The following PARD3B variants were observed in gnomAD, a reference collection of about 807,000 sequenced individuals.
PARD3B encodes the protein partitioning defective 3 homolog B.
Under a neutral mutation model 130.2 loss-of-function variants are expected in PARD3B, and 103 were observed. That is an observed-to-expected ratio of 0.79 (90% CI 0.67 to 0.93). The LOEUF (loss-of-function observed/expected upper bound fraction) is 0.93, where lower values mean the gene tolerates loss of function less well. PARD3B is among the 40% of genes least tolerant of loss of function. The pLI, the probability that PARD3B is intolerant of heterozygous loss-of-function variation, is 0.00. For missense variants in PARD3B, 1,609 were observed against 1,499.2 expected (o/e 1.07, Z -1.21); for synonymous variants, 583 against 553.2 (o/e 1.05, Z -0.76).
In PARD3B at chr2:205,213,134, C is replaced by T. The variant is rs549788920; in HGVS notation, c.2140+19814C>T. 1.5e-3 allele frequency among the ~76,000 whole-genome samples: 229 copies of T among 152,192 alleles called. 1 individual carries two copies. The highest frequency in any genetic ancestry group is 4.5e-3 in the African/African-American group (188 of 41,538). On this transcript the variant is annotated intron_variant, in intron 15 of 22. Coordinates refer to ENST00000406610, the MANE Select transcript of PARD3B (RefSeq NM_001302769.2). The stretch of plus-strand genomic sequence containing the variant: ...TTCCCAGTCTTAACTCAAAAACAGA[C>T]GACCTATTCTCTCTCCACTCTTTTT...
chr2:205,053,676 C>T (rs957227095), intron 4 of PARD3B, among the ~76,000 whole-genome samples: 1 of 151,526 alleles, frequency 6.6e-6, no homozygotes, highest in Non-Finnish European at 1.5e-5. Context: ...TATAACTTAC[C>T]AAACATTCTG....
intron 2 of PARD3B, among the ~76,000 whole-genome samples, chr2:204,690,411 A>G (rs1229303613): frequency 4.6e-5 from 7 of 152,082 alleles, no homozygotes; most frequent in African/African-American, 1.7e-4. Flanking sequence ...TAAAATGGAG[A>G]GATTATTCTG....
intron 22 of PARD3B, among the ~76,000 whole-genome samples, chr2:205,614,034 G>T (rs1450591724): frequency 2.0e-5 from 3 of 152,118 alleles, no homozygotes; most frequent in Admixed American, 6.5e-5. Context: ...ATTATAAAAG[G>T]GGGAGTGGCA....
chr2:204,672,061 T>G (rs2036328830), intron 1 of PARD3B, among the ~76,000 whole-genome samples: 1 of 152,200 alleles, frequency 6.6e-6, no homozygotes, highest in Admixed American at 6.6e-5. Flanking sequence ...GGGGCTTCCC[T>G]CCCACTGTAT....
chr2:205,552,115 C>G (rs1021788336), intron 21 of PARD3B, among the ~76,000 whole-genome samples: 6 of 152,124 alleles, frequency 3.9e-5, no homozygotes, highest in African/African-American at 1.4e-4. Context: ...GAAACCAACA[C>G]ACAGTATTGA....
At chr2:204,555,606 A>T (rs75394501) in intron 1 of PARD3B, among the ~76,000 whole-genome samples, 2,426 of 152,126 alleles carry the variant, frequency 0.016, 76 homozygotes, top group African/African-American at 0.056. Context: ...GTTCCTTGAG[A>T]TCTCTTGGTG....
chr2:205,609,799 G>A (rs544873255), intron 22 of PARD3B, among the ~76,000 whole-genome samples: 1 of 152,240 alleles, frequency 6.6e-6, no homozygotes, highest in South Asian at 2.1e-4. Flanking sequence ...AGTTGCTGAT[G>A]TGTCTCCAAC....
intron 2 of PARD3B, among the ~76,000 whole-genome samples, chr2:204,842,848 C>T (rs1445507745): frequency 6.6e-6 from 1 of 152,076 alleles, no homozygotes; most frequent in Non-Finnish European, 1.5e-5. Context: ...ACCTTAGCTC[C>T]TCAAAGCTGT....
At chr2:204,794,993 A>T (rs1034400571) in intron 2 of PARD3B, among the ~76,000 whole-genome samples, 9 of 152,194 alleles carry the variant, frequency 5.9e-5, no homozygotes, top group Non-Finnish European at 1.3e-4. Context: ...TTAGTTAAAG[A>T]TTGGTGTCAT....
At chr2:204,888,540 T>C (rs1488282465) in intron 2 of PARD3B, among the ~76,000 whole-genome samples, 1 of 152,074 alleles carries the variant, frequency 6.6e-6, no homozygotes, top group African/African-American at 2.4e-5. Flanking sequence ...GAGACCAGTC[T>C]TGGCAACATG....
chr2:204,718,221 C>T (rs910059071), intron 2 of PARD3B, among the ~76,000 whole-genome samples: 1 of 151,950 alleles, frequency 6.6e-6, no homozygotes, highest in Non-Finnish European at 1.5e-5. Flanking sequence ...TTCTCTCTCT[C>T]ATTTTGTGTC....
At chr2:204,778,423 T>C (rs2041718691) in intron 2 of PARD3B, among the ~76,000 whole-genome samples, 1 of 152,098 alleles carries the variant, frequency 6.6e-6, no homozygotes, top group African/African-American at 2.4e-5. Flanking sequence ...TTAGGACAAG[T>C]GCAAGTCAAG....
intron 18 of PARD3B, among the ~76,000 whole-genome samples, chr2:205,322,168 CAT>C (rs1452730097): frequency 6.6e-6 from 1 of 152,140 alleles, no homozygotes; most frequent in African/African-American, 2.4e-5. Context: ...CATTTGAAAA[CAT>C]ATTTTGAAAA....
intron 18 of PARD3B, among the ~76,000 whole-genome samples, chr2:205,311,773 G>A (rs2042395186): frequency 6.6e-6 from 1 of 152,194 alleles, no homozygotes; most frequent in South Asian, 2.1e-4. Flanking sequence ...TGTTTTCAAA[G>A]GTTATTTAAT....
Position 205,341,929 on chromosome 2 carries a change from T to C in PARD3B, c.2630+40228T>C, listed in dbSNP as rs947945415. On this transcript the variant is annotated intron_variant, in intron 18 of 22. Coordinates refer to ENST00000406610, the MANE Select transcript of PARD3B (RefSeq NM_001302769.2). This position sits in a 1 kb window ranked among gnomAD's most constrained non-coding sequence, Gnocchi z 4.3. The stretch of plus-strand genomic sequence containing the variant: ...AAAAGATACAGTAAAAATACAATAT[T>C]ATAATCTTATGGGACCACTGTCATA... 1.3e-5 allele frequency among the ~76,000 whole-genome samples: 2 copies of C among 152,212 alleles called. No individual in the cohort carries two copies. Among genetic ancestry groups the C allele is most frequent in the South Asian group, 4.1e-4 (2 of 4,826 alleles).
rs56654511 is a variant in PARD3B at position 205,331,782 on chromosome 2, C to CAAAAAAAAAAAAAAAAAAAAAAAA, written c.2630+30104_2630+30105insAAAAAAAAAAAAAAAAAAAAAAAA. On this transcript the variant is annotated intron_variant, in intron 18 of 22. Transcript: ENST00000406610. Reference sequence around the variant, plus strand: ...TGGGCGACAGAGTGAGACTCCGTCTCAAAAAAAAAAAAAAAAAAAAAAAGA... The same window carrying CAAAAAAAAAAAAAAAAAAAAAAAA: ...TGGGCGACAGAGTGAGACTCCGTCTCAAAAAAAAAAAAAAAAAAAAAAAAAAAAAAAAAAAAAAAAAAAAAAAGA... Among the ~76,000 whole-genome samples the CAAAAAAAAAAAAAAAAAAAAAAAA allele has an allele frequency of 8.9e-4, 43 of 48,398 alleles. 2 individuals carry two copies. The highest frequency in any genetic ancestry group is 3.8e-3 in the African/African-American group (35 of 9,298). 31.8% of individuals were successfully genotyped at this position (48,398 alleles called of 152,430 possible).
chr2:205,590,598 G>A lies in PARD3B; in HGVS notation c.3261-24858G>A, dbSNP rs2054352654. On this transcript the variant is annotated intron_variant, in intron 22 of 22. Transcript: ENST00000406610. The surrounding 1 kb of genome is among the most constrained non-coding windows in gnomAD (Gnocchi z 4.1). ...TCATTCCACCTGAACCACATGGACT[G>A]AGAGTGGGCATGGAATGATTCCCAA... 6.6e-6 allele frequency among the ~76,000 whole-genome samples: 1 copy of A among 152,160 alleles called. No individual in the cohort carries two copies. The highest frequency in any genetic ancestry group is 1.5e-5 in the Non-Finnish European group (1 of 68,028).
In PARD3B at chr2:205,086,800, G is replaced by A. The variant is rs1258028243; in HGVS notation, c.505-17626G>A. On this transcript the variant is annotated intron_variant, in intron 4 of 22. Transcript: ENST00000406610. ...TGTCAATTCACCACTGGATGATGAAGCCCACAGGGGTGGGTGTGACTCATC... is the reference window on the plus strand; with the variant it reads ...TGTCAATTCACCACTGGATGATGAAACCCACAGGGGTGGGTGTGACTCATC... 3.9e-5 allele frequency among the ~76,000 whole-genome samples: 6 copies of A among 152,292 alleles called. No individual in the cohort carries two copies. The South Asian group carries it at 6.2e-4, about 16-fold the overall frequency.
chr2:204,601,104 A>G (rs1001809795), intron 1 of PARD3B, among the ~76,000 whole-genome samples: 3 of 151,976 alleles, frequency 2.0e-5, no homozygotes, highest in Non-Finnish European at 2.9e-5. Flanking sequence ...TATCTGATGC[A>G]TGGAATCTTC....
Sources: allele counts gnomAD v4.1 joint callset (sites outside exome capture counted in the v4.1 genomes callset), GRCh38; gene constraint gnomAD v4.1.1; non-coding constraint Gnocchi (gnomAD v3.1); transcripts MANE v1.5; gene names NCBI Gene and HGNC (gene_info 2026-07-23, HGNC 2026-07-21).